Variants in C3orf70 observed in about 807,000 individuals in gnomAD.
C3orf70 encodes chromosome 3 open reading frame 70, also known as UPF0524 protein C3orf70.
A neutral mutation model predicts 20.7 loss-of-function variants in C3orf70; 15 were observed. The observed-to-expected ratio is 0.72, with a 90% CI of 0.48 to 1.11. The LOEUF (loss-of-function observed/expected upper bound fraction) is 1.11, where lower values mean the gene tolerates loss of function less well. C3orf70 is among the 50% of genes most tolerant of loss of function. The pLI, the probability that C3orf70 is intolerant of heterozygous loss-of-function variation, is 0.00. For missense variants in C3orf70, 332 were observed against 317.6 expected, an observed-to-expected ratio of 1.05 and a Z score of -0.34; for synonymous variants, 161 against 125.7, an observed-to-expected ratio of 1.28 and a Z score of -1.88.
chr3:185,139,747 C>A (rs62289829), intron 1 of C3orf70, among the ~76,000 whole-genome samples: 9,018 of 152,074 alleles, frequency 0.059, 374 homozygotes, highest in South Asian at 0.1. Context: ...AATCTTTCAA[C>A]AAATGGTGCT....
chr3:185,095,735 CTTTTTT>C (rs756180408), intron 1 of C3orf70, among the ~76,000 whole-genome samples: 1 of 127,556 alleles, frequency 7.8e-6, no homozygotes, highest in South Asian at 2.6e-4. Context: ...CATTCTGAAA[CTTTTTT>C]TTTTTTTTTT....
chr3:185,123,208 T>C (rs114118001), intron 1 of C3orf70, among the ~76,000 whole-genome samples: 7,081 of 148,680 alleles, frequency 0.048, 614 homozygotes, highest in African/African-American at 0.17. Flanking sequence ...AAATTCACTC[T>C]GTGAAACTGC....
At chr3:185,096,071 C>G (rs34207361) in intron 1 of C3orf70, among the ~76,000 whole-genome samples, 32,848 of 151,992 alleles carry the variant, frequency 0.22, 3,867 homozygotes, top group Non-Finnish European at 0.26. Context: ...TAAACACATT[C>G]AAGTATCAAT....
At chr3:185,132,477 A>G (rs1716541284) in intron 1 of C3orf70, among the ~76,000 whole-genome samples, 1 of 152,138 alleles carries the variant, frequency 6.6e-6, no homozygotes, top group South Asian at 2.1e-4. Flanking sequence ...CTTCTGGACA[A>G]TTTCTTCAGA....
rs546023106 is a variant in C3orf70 at position 185,120,088 on chromosome 3, A to T, written c.196+32540T>A. Among the ~76,000 whole-genome samples the T allele has an allele frequency of 2.0e-5, 3 of 152,150 alleles. No homozygotes were observed. In the South Asian group the frequency reaches 6.2e-4, roughly 32 times the overall value. ...AGATCATATACTTGGTCATATAATAATAACAGCACTACAAATCACTTAAGA... is the reference window on the plus strand; with the variant it reads ...AGATCATATACTTGGTCATATAATATTAACAGCACTACAAATCACTTAAGA... On this transcript the variant is annotated intron_variant, in intron 1 of 1. Coordinates refer to ENST00000335012, the MANE Select transcript of C3orf70 (RefSeq NM_001025266.3).
At chr3:185,094,051 T>C (rs1168617015) in intron 1 of C3orf70, among the ~76,000 whole-genome samples, 1 of 151,596 alleles carries the variant, frequency 6.6e-6, no homozygotes, top group Non-Finnish European at 1.5e-5. Flanking sequence ...AAGTAAATGG[T>C]TTGTAATGAG....
At chr3:185,084,410 G>C (rs1715418753) in intron 1 of C3orf70, among the ~76,000 whole-genome samples, 1 of 151,960 alleles carries the variant, frequency 6.6e-6, no homozygotes, top group African/African-American at 2.4e-5. Flanking sequence ...CCACTGGATT[G>C]TCCCGGCCAC....
intron 1 of C3orf70, among the ~76,000 whole-genome samples, chr3:185,109,084 A>G (rs1005731324): frequency 1.7e-4 from 26 of 152,232 alleles, no homozygotes; most frequent in African/African-American, 6.0e-4. Flanking sequence ...GAAAGAATGA[A>G]TATCTCCCTA....
At chr3:185,123,178 CAA>C (rs34803531) in intron 1 of C3orf70, among the ~76,000 whole-genome samples, 6,518 of 90,942 alleles carry the variant, frequency 0.072, 157 homozygotes, top group South Asian at 0.12. Flanking sequence ...GACTCCATCT[CAA>C]AAAAAAAAAA....
intron 1 of C3orf70, among the ~76,000 whole-genome samples, chr3:185,150,495 A>G (rs1716969450): frequency 6.7e-6 from 1 of 148,290 alleles, no homozygotes; most frequent in Non-Finnish European, 1.5e-5. Flanking sequence ...CCTGTGTCCA[A>G]AAATATAAGT....
At position 185,091,894 on chromosome 3, in the gene C3orf70, C is replaced by T. The variant is rs537155852; in HGVS notation, c.197-8331G>A. Among the ~76,000 whole-genome samples the T allele has an allele frequency of 4.6e-4, 23 of 49,798 alleles. 1 individual carries two copies. Among genetic ancestry groups the T allele is most frequent in the African/African-American group, 1.1e-3 (22 of 19,818 alleles). 32.7% of individuals were successfully genotyped at this position (49,798 alleles called of 152,430 possible). A position where few individuals can be genotyped will look rare whatever the true frequency, so the allele number is the denominator to read the frequency against. On this transcript the variant is annotated intron_variant, in intron 1 of 1. Transcript: ENST00000335012. ...TATATATATATAATATATATACACACATACACACACACACATACATATATA... is the reference window on the plus strand; with the variant it reads ...TATATATATATAATATATATACACATATACACACACACACATACATATATA...
At chr3:185,141,949 G>T (rs185673673) in intron 1 of C3orf70, among the ~76,000 whole-genome samples, 123 of 152,056 alleles carry the variant, frequency 8.1e-4, no homozygotes, top group Middle Eastern at 3.4e-3. Flanking sequence ...AAAGGAACTC[G>T]GTTTCCTTAG....
At chr3:185,090,610 GAATTAT>G (rs1339599502) in intron 1 of C3orf70, among the ~76,000 whole-genome samples, 2 of 152,066 alleles carry the variant, frequency 1.3e-5, no homozygotes, top group Admixed American at 6.5e-5. Flanking sequence ...TTTATATTTT[GAATTAT>G]AATTATGTTT....
chr3:185,114,711 T>C (rs1196650626), intron 1 of C3orf70, among the ~76,000 whole-genome samples: 2 of 152,176 alleles, frequency 1.3e-5, no homozygotes, highest in Non-Finnish European at 2.9e-5. Context: ...TGAAAAAACC[T>C]TGGAAATGCT....
chr3:185,111,098 A>G (rs186510663), intron 1 of C3orf70, among the ~76,000 whole-genome samples: 186 of 152,346 alleles, frequency 1.2e-3, no homozygotes, highest in Admixed American at 4.0e-3. Flanking sequence ...CTAAGTACAA[A>G]AAGCAACTCA....
At chr3:185,129,850 T>C (rs1196395770) in intron 1 of C3orf70, among the ~76,000 whole-genome samples, 1 of 152,206 alleles carries the variant, frequency 6.6e-6, no homozygotes, top group Admixed American at 6.5e-5. Context: ...TAACACAGCA[T>C]CCAAAAAGTA....
At chr3:185,108,174 CTAAT>C (rs2108594866) in intron 1 of C3orf70, among the ~76,000 whole-genome samples, 1 of 152,208 alleles carries the variant, frequency 6.6e-6, no homozygotes, top group South Asian at 2.1e-4. Context: ...TTGAAATTAA[CTAAT>C]TAGATTCTCC....
At chr3:185,095,239 AG>A (rs1337328099) in intron 1 of C3orf70, among the ~76,000 whole-genome samples, 3 of 152,322 alleles carry the variant, frequency 2.0e-5, no homozygotes, top group African/African-American at 7.2e-5. Context: ...TTGAGTTACT[AG>A]ACTGACCAAC....
Position 185,082,382 on chromosome 3 carries a change from T to C in C3orf70, c.*625A>G, listed in dbSNP as rs1438673528. The C allele has an allele frequency of 2.0e-5, 3 of 152,988 alleles. No individual in the cohort carries two copies. Among genetic ancestry groups the C allele is most frequent in the African/African-American group, 7.2e-5 (3 of 41,438 alleles). The allele number at this position is 152,988 out of a possible 1,614,324, so 9.5% of individuals were successfully genotyped here. A position where few individuals can be genotyped will look rare whatever the true frequency, so the allele number is the denominator to read the frequency against. ...GGTCATCTCTTCTCATGTGAATGTT[T>C]AGCTCAGCCCCAGTCACGGAGCCTT... On this transcript the variant is annotated 3_prime_UTR_variant, in exon 2 of 2. Coordinates refer to ENST00000335012, the MANE Select transcript of C3orf70 (RefSeq NM_001025266.3).
Sources: gnomAD v4.1 joint callset for allele counts (sites outside exome capture counted in the v4.1 genomes callset) on GRCh38, gnomAD v4.1.1 for gene constraint, MANE v1.5 for transcripts, NCBI Gene and HGNC (gene_info 2026-07-23, HGNC 2026-07-21) for gene names.